GRIA4: variants seen among roughly 807,000 people sequenced by gnomAD.
GRIA4 encodes glutamate ionotropic receptor AMPA type subunit 4, also known as glutamate receptor 4.
In GRIA4, 34 loss-of-function variants were observed where a neutral mutation model predicts 104.0. The ratio of observed to expected loss-of-function variants is 0.33; its 90% CI spans 0.25 to 0.44. The LOEUF is 0.44. GRIA4 is among the 20% of genes least tolerant of loss of function. The pLI is 1.00. For missense variants in GRIA4, 750 were observed against 1,096.5 expected, an observed-to-expected ratio of 0.68 and a Z score of 4.46; for synonymous variants, 386 against 381.9, an observed-to-expected ratio of 1.01 and a Z score of -0.13.
chr11:105,974,701 C>A, intron 16 of GRIA4: 1 of 715,954 alleles, frequency 1.4e-6, no homozygotes, highest in Non-Finnish European at 2.2e-6. Flanking sequence ...GTTCGGTTTT[C>A]TTTGGCTGCA....
intron 16 of GRIA4, among the ~76,000 whole-genome samples, chr11:105,978,622 G>T (rs551641513): frequency 2.9e-4 from 44 of 152,208 alleles, no homozygotes; most frequent in South Asian, 6.2e-4. Context: ...ATTTCCTAAA[G>T]ATTTGGATAA....
At chr11:105,776,598 T>C (rs1941460182) in intron 4 of GRIA4, among the ~76,000 whole-genome samples, 2 of 152,146 alleles carry the variant, frequency 1.3e-5, no homozygotes, top group South Asian at 2.1e-4. Context: ...GCCAGGTACA[T>C]AGCAATGCTC....
At chr11:105,704,193 A>G (rs1276638278) in intron 3 of GRIA4, among the ~76,000 whole-genome samples, 1 of 152,242 alleles carries the variant, frequency 6.6e-6, no homozygotes, top group African/African-American at 2.4e-5. Context: ...TTAAAACATC[A>G]TTATTACTTA....
At chr11:105,673,676 T>C (rs1019469041) in intron 3 of GRIA4, among the ~76,000 whole-genome samples, 13 of 152,034 alleles carry the variant, frequency 8.6e-5, no homozygotes, top group Admixed American at 4.6e-4. Flanking sequence ...ACTGCTCTCA[T>C]TTTTTCCCAC....
Position 105,646,342 on chromosome 11 carries a change from C to T in GRIA4, c.247+33908C>T, listed in dbSNP as rs564329764. Among the ~76,000 whole-genome samples, 284 of 152,216 alleles carry T rather than the reference C, an allele frequency of 1.9e-3. 1 individual carries two copies. The highest frequency in any genetic ancestry group is 2.9e-3 in the Non-Finnish European group (196 of 68,010). On this transcript the variant is annotated intron_variant, in intron 3 of 16. Coordinates refer to ENST00000282499, the MANE Select transcript of GRIA4 (RefSeq NM_000829.4). ...GACGTGGTGGCTCCACCTGTATTTC[C>T]AGCACTTGGGGAGGTCTAGAATGGA...
At chr11:105,739,045 G>A (rs1018591619) in intron 3 of GRIA4, among the ~76,000 whole-genome samples, 5 of 151,496 alleles carry the variant, frequency 3.3e-5, no homozygotes, top group Non-Finnish European at 5.9e-5. Context: ...CCTTCCAAAA[G>A]CTCACTTATT....
chr11:105,810,933 T>A (rs983792408), intron 4 of GRIA4, among the ~76,000 whole-genome samples: 1 of 152,218 alleles, frequency 6.6e-6, no homozygotes, highest in African/African-American at 2.4e-5. Flanking sequence ...AAAACTATTA[T>A]TGATTACTGC....
chr11:105,636,141 A>G lies in GRIA4; in HGVS notation c.247+23707A>G, dbSNP rs1388446748. Among the ~76,000 whole-genome samples the G allele has an allele frequency of 2.0e-5, 3 of 152,222 alleles. No homozygotes were observed. In the East Asian group the frequency reaches 5.8e-4, roughly 29 times the overall value. ...GGAGCTTCCAATACAAAAAGAGTAA[A>G]AGACAAGTACCTTCTTGCTTTTCAT... On this transcript the variant is annotated intron_variant, in intron 3 of 16. Transcript: ENST00000282499.
intron 5 of GRIA4, among the ~76,000 whole-genome samples, chr11:105,876,199 T>A (rs1945814550): frequency 6.6e-6 from 1 of 152,224 alleles, no homozygotes. Context: ...AGCAGGTTGT[T>A]CAGTTTCCAT....
intron 14 of GRIA4, among the ~76,000 whole-genome samples, chr11:105,968,678 G>A (rs754306634): frequency 1.8e-4 from 28 of 152,164 alleles, no homozygotes; most frequent in Non-Finnish European, 4.0e-4. Context: ...CTTTGATGGT[G>A]TTCATATGAG....
At chr11:105,866,551 G>GTGTGTATATATATA (rs1299256765) in intron 5 of GRIA4, among the ~76,000 whole-genome samples, 12 of 76,714 alleles carry the variant, frequency 1.6e-4, no homozygotes, top group East Asian at 7.9e-4. Context: ...GTGTGTGTGT[G>GTGTGTATATATATA]TATATATATA....
At chr11:105,742,587 T>A (rs1939380443) in intron 3 of GRIA4, among the ~76,000 whole-genome samples, 1 of 142,288 alleles carries the variant, frequency 7.0e-6, no homozygotes, top group South Asian at 2.4e-4. Flanking sequence ...TATATACAAG[T>A]GTGAGTATAT....
intron 4 of GRIA4, among the ~76,000 whole-genome samples, chr11:105,769,092 A>T (rs1941089009): frequency 6.6e-6 from 1 of 152,102 alleles, no homozygotes; most frequent in African/African-American, 2.4e-5. Context: ...GAGAAGCTTG[A>T]ATTCTAGTAA....
At chr11:105,772,444 T>A (rs565193010) in intron 4 of GRIA4, among the ~76,000 whole-genome samples, 1 of 152,154 alleles carries the variant, frequency 6.6e-6, no homozygotes, top group African/African-American at 2.4e-5. Context: ...CAGTACAATG[T>A]GGTAAATGTA....
intron 4 of GRIA4, among the ~76,000 whole-genome samples, chr11:105,771,157 G>A (rs1167931728): frequency 2.6e-5 from 4 of 151,932 alleles, no homozygotes; most frequent in Admixed American, 2.6e-4. Context: ...TTCATTGAAA[G>A]CATACTCTAC....
chr11:105,643,069 A>G (rs1352013344), intron 3 of GRIA4, among the ~76,000 whole-genome samples: 1 of 152,126 alleles, frequency 6.6e-6, no homozygotes, highest in Non-Finnish European at 1.5e-5. Flanking sequence ...ACTTACTATC[A>G]TGAGAGTAGC....
chr11:105,614,059 A>G (rs1565402160), intron 3 of GRIA4: 1 of 151,824 alleles, frequency 6.6e-6, no homozygotes, highest in African/African-American at 2.4e-5. Context: ...CGTAAATATT[A>G]TTTGTTTATT....
chr11:105,967,352 A>G (rs1858439477), intron 14 of GRIA4, among the ~76,000 whole-genome samples: 1 of 152,196 alleles, frequency 6.6e-6, no homozygotes, highest in African/African-American at 2.4e-5. Flanking sequence ...AACAAAAGTC[A>G]TTCTAATTTA....
chr11:105,794,473 G>GTATGTGTATA (rs1360490604), intron 4 of GRIA4, among the ~76,000 whole-genome samples: 2 of 43,884 alleles, frequency 4.6e-5, no homozygotes, highest in Non-Finnish European at 8.1e-5. Context: ...GTATATGTAT[G>GTATGTGTATA]TATATATATA....
Sources: gnomAD v4.1 joint callset for allele counts (sites outside exome capture counted in the v4.1 genomes callset) on GRCh38, gnomAD v4.1.1 for gene constraint, MANE v1.5 for transcripts, NCBI Gene and HGNC (gene_info 2026-07-23, HGNC 2026-07-21) for gene names.